Variants in CLSTN2 observed in about 807,000 individuals in gnomAD.
CLSTN2 encodes calsyntenin-2.
A neutral mutation model predicts 101.2 loss-of-function variants in CLSTN2; 48 were observed. The observed-to-expected ratio is 0.47, with a 90% CI of 0.38 to 0.60. CLSTN2 has a LOEUF of 0.60. Ranked by LOEUF, CLSTN2 falls within the 20% of genes least tolerant of loss-of-function variation. The probability of loss-of-function intolerance (pLI) is 0.00; values close to 1 mark genes in which losing one functional copy is unlikely to be tolerated. For synonymous variants in CLSTN2, 481 were observed against 463.6 expected (o/e 1.04, Z -0.48); for missense variants, 1,160 against 1,238.2 (o/e 0.94, Z 0.95).
intron 6 of CLSTN2, among the ~76,000 whole-genome samples, chr3:140,457,467 A>C (rs988468437): frequency 1.3e-5 from 2 of 152,204 alleles, no homozygotes; most frequent in Non-Finnish European, 2.9e-5. Flanking sequence ...TCCTACTTCC[A>C]AACCACTCAC....
intron 2 of CLSTN2, among the ~76,000 whole-genome samples, chr3:140,276,189 A>C (rs539545552): frequency 6.6e-6 from 1 of 152,282 alleles, no homozygotes; most frequent in South Asian, 2.1e-4. Context: ...GGAAGATGTG[A>C]AAGGTAGAGG....
At chr3:140,158,216 C>T (rs1250020375) in intron 1 of CLSTN2, among the ~76,000 whole-genome samples, 1 of 152,062 alleles carries the variant, frequency 6.6e-6, no homozygotes, top group African/African-American at 2.4e-5. Flanking sequence ...AGCAATCAGG[C>T]AAGAGAAAGA....
At chr3:139,988,298 G>GA (rs35025570) in intron 1 of CLSTN2, among the ~76,000 whole-genome samples, 1 of 152,090 alleles carries the variant, frequency 6.6e-6, no homozygotes, top group Admixed American at 6.6e-5. Flanking sequence ...AAACAAGGGG[G>GA]AAAAACAGGC....
intron 5 of CLSTN2, among the ~76,000 whole-genome samples, chr3:140,426,774 A>G (rs1158807544): frequency 6.6e-6 from 1 of 152,216 alleles, no homozygotes. Context: ...GTGGAACCAG[A>G]TAGACTGTTT....
intron 1 of CLSTN2, among the ~76,000 whole-genome samples, chr3:140,137,585 T>G (rs1259944589): frequency 1.3e-5 from 2 of 152,188 alleles, no homozygotes; most frequent in Non-Finnish European, 2.9e-5. Flanking sequence ...GGGATTGTCA[T>G]GTGTTAGGGG....
chr3:140,513,818 T>G (rs1487143257), intron 8 of CLSTN2, among the ~76,000 whole-genome samples: 1 of 152,058 alleles, frequency 6.6e-6, no homozygotes, highest in Non-Finnish European at 1.5e-5. Context: ...TCAAAACTTG[T>G]TATTGGTCTA....
intron 2 of CLSTN2, among the ~76,000 whole-genome samples, chr3:140,271,685 A>G (rs1269708678): frequency 6.6e-6 from 1 of 152,192 alleles, no homozygotes; most frequent in Non-Finnish European, 1.5e-5. Context: ...TTCTAATACC[A>G]TAACCCTGGT....
rs1985626854 is a variant in CLSTN2 at position 140,573,421 on chromosome 3, A to G, written c.*7168A>G. On this transcript the variant is annotated 3_prime_UTR_variant, in exon 17 of 17. Transcript: ENST00000458420. ...AAACAAACCTACAGCCTCATTTACA[A>G]TTAGAATCTGTCTGGGCCTTCTGAT... 1 of 152,222 alleles carries G rather than the reference A, an allele frequency of 6.6e-6. No homozygotes were observed. Among genetic ancestry groups the G allele is most frequent in the African/African-American group, 2.4e-5 (1 of 41,466 alleles). 9.4% of individuals were successfully genotyped at this position (152,222 alleles called of 1,614,324 possible). A position where few individuals can be genotyped will look rare whatever the true frequency, so the allele number is the denominator to read the frequency against.
At chr3:140,204,118 A>T (rs1315670152) in intron 2 of CLSTN2, among the ~76,000 whole-genome samples, 1 of 152,180 alleles carries the variant, frequency 6.6e-6, no homozygotes, top group Non-Finnish European at 1.5e-5. Context: ...TACCTGGGTG[A>T]TCTTGAATAA....
intron 8 of CLSTN2, among the ~76,000 whole-genome samples, chr3:140,476,549 C>A (rs1330328902): frequency 6.6e-6 from 1 of 151,828 alleles, no homozygotes; most frequent in Non-Finnish European, 1.5e-5. Context: ...TGAATATGCA[C>A]GAGGACAAGA....
intron 1 of CLSTN2, among the ~76,000 whole-genome samples, chr3:139,992,615 C>G (rs2107828842): frequency 6.6e-6 from 1 of 152,306 alleles, no homozygotes; most frequent in Middle Eastern, 3.4e-3. Context: ...ACTCATTAAT[C>G]AAATCAAAGC....
At chr3:140,060,830 G>A (rs1560082977) in intron 1 of CLSTN2, among the ~76,000 whole-genome samples, 2 of 152,128 alleles carry the variant, frequency 1.3e-5, no homozygotes, top group African/African-American at 4.8e-5. Context: ...GATTTTCGTG[G>A]GTGTGCTATT....
At chr3:140,350,793 G>T (rs1317455535) in intron 2 of CLSTN2, among the ~76,000 whole-genome samples, 5 of 152,154 alleles carry the variant, frequency 3.3e-5, no homozygotes, top group African/African-American at 1.2e-4. Context: ...GGCCCCTAAT[G>T]GTTCTGAAGA....
chr3:139,989,847 A>G (rs1936088063), intron 1 of CLSTN2, among the ~76,000 whole-genome samples: 1 of 152,216 alleles, frequency 6.6e-6, no homozygotes, highest in African/African-American at 2.4e-5. Flanking sequence ...TCACAGCAAC[A>G]ATGCAATCTA....
intron 5 of CLSTN2, among the ~76,000 whole-genome samples, chr3:140,426,760 A>T (rs2088568312): frequency 6.6e-6 from 1 of 152,232 alleles, no homozygotes; most frequent in African/African-American, 2.4e-5. Context: ...GTAAGGAGTC[A>T]TCTGTGGAAC....
intron 1 of CLSTN2, among the ~76,000 whole-genome samples, chr3:140,012,998 G>T (rs1283678775): frequency 6.6e-6 from 1 of 152,066 alleles, no homozygotes; most frequent in Non-Finnish European, 1.5e-5. Context: ...GGCTGTCTTG[G>T]CCCAGGCAGC....
chr3:139,969,238 C>G (rs1422256145), intron 1 of CLSTN2, among the ~76,000 whole-genome samples: 1 of 152,218 alleles, frequency 6.6e-6, no homozygotes, highest in Non-Finnish European at 1.5e-5. Flanking sequence ...AAAGTAAAGC[C>G]TCCCACGTTG....
At chr3:140,067,618 T>G (rs894411912) in intron 1 of CLSTN2, among the ~76,000 whole-genome samples, 1 of 152,132 alleles carries the variant, frequency 6.6e-6, no homozygotes, top group Admixed American at 6.5e-5. Flanking sequence ...CTGGAAGAGG[T>G]GATGTCAGGA....
chr3:140,019,971 G>A (rs892180455), intron 1 of CLSTN2, among the ~76,000 whole-genome samples: 7 of 152,134 alleles, frequency 4.6e-5, no homozygotes, highest in African/African-American at 1.7e-4. Context: ...CAAATTGGGT[G>A]GAACCTCTGG....
Sources: gnomAD v4.1 joint callset for allele counts (sites outside exome capture counted in the v4.1 genomes callset) on GRCh38, gnomAD v4.1.1 for gene constraint, MANE v1.5 for transcripts, NCBI Gene and HGNC (gene_info 2026-07-23, HGNC 2026-07-21) for gene names.